ZNF385B: variants seen among roughly 807,000 people sequenced by gnomAD.
ZNF385B encodes zinc finger protein 533.
Under a neutral mutation model 39.2 loss-of-function variants are expected in ZNF385B, and 23 were observed. That is an observed-to-expected ratio of 0.59 (90% CI 0.42 to 0.83). The LOEUF is 0.83. Ranked by LOEUF, ZNF385B falls within the 40% of genes least tolerant of loss-of-function variation. ZNF385B has a pLI of 0.00. For synonymous variants in ZNF385B, 205 were observed against 222.6 expected, an observed-to-expected ratio of 0.92 and a Z score of 0.70; for missense variants, 552 against 598.9, an observed-to-expected ratio of 0.92 and a Z score of 0.82.
intron 4 of ZNF385B, among the ~76,000 whole-genome samples, chr2:179,529,858 A>G (rs1020059913): frequency 6.6e-6 from 1 of 152,206 alleles, no homozygotes; most frequent in Admixed American, 6.5e-5. Flanking sequence ...GTTATAGTAT[A>G]CTATTCTGAG....
intron 1 of ZNF385B, among the ~76,000 whole-genome samples, chr2:179,791,950 C>G (rs925703162): frequency 1.3e-5 from 2 of 152,116 alleles, no homozygotes; most frequent in Non-Finnish European, 2.9e-5. Flanking sequence ...TTAGTAGAGG[C>G]AGGGTTTCAC....
intron 3 of ZNF385B, among the ~76,000 whole-genome samples, chr2:179,767,081 T>C (rs1703744850): frequency 6.6e-6 from 1 of 152,178 alleles, no homozygotes; most frequent in South Asian, 2.1e-4. Context: ...TTGCCAGGAC[T>C]AACACAGTGT....
intron 5 of ZNF385B, among the ~76,000 whole-genome samples, chr2:179,503,701 C>T (rs1238348324): frequency 2.0e-5 from 3 of 151,946 alleles, no homozygotes; most frequent in Non-Finnish European, 4.4e-5. Context: ...TTGTTCAATT[C>T]CCACCTATGA....
At chr2:179,787,429 C>G (rs577063310) in intron 1 of ZNF385B, among the ~76,000 whole-genome samples, 48 of 151,978 alleles carry the variant, frequency 3.2e-4, no homozygotes, top group African/African-American at 1.0e-3. Context: ...AATACAATAT[C>G]TCTTAATATT....
chr2:179,492,705 T>C (rs1308088708), intron 5 of ZNF385B, among the ~76,000 whole-genome samples: 1 of 152,080 alleles, frequency 6.6e-6, no homozygotes, highest in Non-Finnish European at 1.5e-5. Context: ...CAAAACAGGT[T>C]TTTGTAAAAT....
At chr2:179,570,260 G>A (rs955431232) in intron 3 of ZNF385B, among the ~76,000 whole-genome samples, 1 of 152,130 alleles carries the variant, frequency 6.6e-6, no homozygotes, top group African/African-American at 2.4e-5. Flanking sequence ...CATGGGAGGG[G>A]GAAAGGATGG....
intron 1 of ZNF385B, among the ~76,000 whole-genome samples, chr2:179,814,013 C>G (rs144114303): frequency 1.3e-5 from 2 of 152,322 alleles, no homozygotes; most frequent in East Asian, 3.9e-4. Flanking sequence ...ACCACAGTAT[C>G]AAATACTCTA....
rs185160874 is a variant in ZNF385B, at chr2:179,836,612, G to A, written c.-155+24489C>T. On this transcript the variant is annotated intron_variant, in intron 1 of 9. Transcript: ENST00000410066. ...CGGCTCACTGCAAGCTCCGCTTCCC[G>A]GGTTCACGCCATTCTCCTGCCTCAG... is the stretch of plus-strand genomic sequence containing the variant. Among the ~76,000 whole-genome samples, 776 of 142,610 alleles carry A rather than the reference G, an allele frequency of 5.4e-3. 10 individuals carry two copies. Among genetic ancestry groups the A allele is most frequent in the African/African-American group, 0.019 (730 of 38,108 alleles). The allele number at this position is 142,610 out of a possible 152,430, so 93.6% of individuals were successfully genotyped here.
At chr2:179,582,522 C>T (rs188586860) in intron 3 of ZNF385B, among the ~76,000 whole-genome samples, 35 of 152,130 alleles carry the variant, frequency 2.3e-4, no homozygotes, top group Non-Finnish European at 3.4e-4. Context: ...TTTGAGTGTG[C>T]GCTCTCTTCC....
In ZNF385B at chr2:179,500,534, C is replaced by T. The variant is rs137915991; in HGVS notation, c.553-17100G>A. Among the ~76,000 whole-genome samples, 368 of 152,150 alleles carry T rather than the reference C, an allele frequency of 2.4e-3. 4 individuals are homozygous for T. Among genetic ancestry groups the T allele is most frequent in the East Asian group, 0.021 (108 of 5,184 alleles). ...TTCAGTAAATGGTGTTGGGAAAACT[C>T]GTTATCCATATGCAGAAGAATGAAA... On this transcript the variant is annotated intron_variant, in intron 5 of 9. Coordinates refer to ENST00000410066, the MANE Select transcript of ZNF385B (RefSeq NM_152520.6).
chr2:179,461,518 T>G (rs549406940), intron 6 of ZNF385B, among the ~76,000 whole-genome samples: 58 of 152,290 alleles, frequency 3.8e-4, no homozygotes, highest in African/African-American at 1.3e-3. Context: ...CATGAGCACT[T>G]GAAAAATAGT....
chr2:179,476,628 G>A (rs1235352316), intron 6 of ZNF385B, among the ~76,000 whole-genome samples: 1 of 152,216 alleles, frequency 6.6e-6, no homozygotes, highest in African/African-American at 2.4e-5. Flanking sequence ...TCAGAAGTTA[G>A]TTCCCAGAGG....
At chr2:179,832,192 C>T (rs1174357536) in intron 1 of ZNF385B, among the ~76,000 whole-genome samples, 1 of 152,156 alleles carries the variant, frequency 6.6e-6, no homozygotes, top group East Asian at 1.9e-4. Context: ...CTTCCTTCTC[C>T]TACCACGCCC....
intron 1 of ZNF385B, among the ~76,000 whole-genome samples, chr2:179,831,656 C>T (rs1451162728): frequency 6.6e-6 from 1 of 152,160 alleles, no homozygotes; most frequent in Non-Finnish European, 1.5e-5. Flanking sequence ...TACCAGTGCT[C>T]TCATGGGCCC....
chr2:179,766,825 A>G (rs1392289256), intron 3 of ZNF385B, among the ~76,000 whole-genome samples: 1 of 152,164 alleles, frequency 6.6e-6, no homozygotes, highest in African/African-American at 2.4e-5. Context: ...ATATTCTCTG[A>G]AGCCAAGTGA....
At chr2:179,459,396 A>C (rs2051045171) in intron 6 of ZNF385B, among the ~76,000 whole-genome samples, 1 of 152,198 alleles carries the variant, frequency 6.6e-6, no homozygotes, top group Admixed American at 6.6e-5. Context: ...AATATATGAA[A>C]TTAATATCAT....
intron 3 of ZNF385B, among the ~76,000 whole-genome samples, chr2:179,726,009 G>A (rs1478648473): frequency 6.6e-6 from 1 of 151,446 alleles, no homozygotes; most frequent in African/African-American, 2.4e-5. Context: ...GATCTACAGT[G>A]TTCTTAAAAT....
At chr2:179,847,803 C>T (rs1708875028) in intron 1 of ZNF385B, among the ~76,000 whole-genome samples, 1 of 152,184 alleles carries the variant, frequency 6.6e-6, no homozygotes, top group Non-Finnish European at 1.5e-5. Context: ...TCAGAGGAGA[C>T]TCAGAAAAGA....
chr2:179,531,674 CTTT>C, intron 4 of ZNF385B, among the ~76,000 whole-genome samples: 1 of 151,970 alleles, frequency 6.6e-6, no homozygotes, highest in South Asian at 2.1e-4. Flanking sequence ...AATAAATATC[CTTT>C]TTAACTGGGT....
Sources: gnomAD v4.1 joint callset for allele counts (sites outside exome capture counted in the v4.1 genomes callset) on GRCh38, gnomAD v4.1.1 for gene constraint, MANE v1.5 for transcripts, NCBI Gene and HGNC (gene_info 2026-07-23, HGNC 2026-07-21) for gene names.